The following SORBS2 variants were observed in gnomAD, a reference collection of about 807,000 sequenced individuals.
SORBS2 encodes sorbin and SH3 domain containing 2.
Under a neutral mutation model 97.7 loss-of-function variants are expected in SORBS2, and 46 were observed. The ratio of observed to expected loss-of-function variants is 0.47; its 90% CI spans 0.37 to 0.60. The LOEUF is 0.60. SORBS2 is among the 20% of genes least tolerant of loss of function. SORBS2 has a pLI of 0.00. For missense variants in SORBS2, 1,316 were observed against 1,282.3 expected, an observed-to-expected ratio of 1.03 and a Z score of -0.40; for synonymous variants, 476 against 473.4, an observed-to-expected ratio of 1.01 and a Z score of -0.07.
Position 185,589,671 on chromosome 4 carries a change from G to A in SORBS2, c.2953+8C>T, listed in dbSNP as rs752008170. 3.2e-6 allele frequency: 5 copies of A among 1,544,764 alleles called. No homozygotes were observed. The highest frequency in any genetic ancestry group is 1.4e-5 in the African/African-American group (1 of 73,236). ...AGCCGAAGGTGCCTGAGGAAGAAGC[G>A]CACATACCCACAAACCAGCCGTCAT... On this transcript the variant is annotated splice_region_variant and intron_variant, in intron 14 of 14. Transcript: ENST00000418609.
chr4:185,819,302 G>C (rs145888723), intron 1 of SORBS2, among the ~76,000 whole-genome samples: 2 of 152,140 alleles, frequency 1.3e-5, no homozygotes, highest in African/African-American at 4.8e-5. Context: ...AAGAATCCTC[G>C]TGGTCCAGAA....
intron 2 of SORBS2, chr4:185,773,060 A>C (rs563781801): frequency 2.0e-5 from 3 of 151,578 alleles, no homozygotes; most frequent in East Asian, 1.9e-4. Context: ...GAAAGAAAAA[A>C]AAAACAAAAC....
chr4:185,731,867 T>C (rs1416772995), intron 2 of SORBS2, among the ~76,000 whole-genome samples: 8 of 13,374 alleles, frequency 6.0e-4, no homozygotes, highest in Non-Finnish European at 1.0e-3. Flanking sequence ...TCTCTCTCTC[T>C]ATATATATAT....
chr4:185,639,092 C>G lies in SORBS2; in HGVS notation c.396+7576G>C. 13 of 1,427,166 alleles carry G rather than the reference C, an allele frequency of 9.1e-6. No homozygotes were observed. In the South Asian group the frequency reaches 1.8e-4, roughly 20 times the overall value. 88.4% of individuals were successfully genotyped at this position (1,427,166 alleles called of 1,614,324 possible). On this transcript the variant is annotated intron_variant, in intron 4 of 14. Transcript: ENST00000418609. ...ATTAGATGGAGGCTCTGGGCGGAAC[C>G]GCGAGGACACCCTGGCAGCGCGCTG...
intron 2 of SORBS2, among the ~76,000 whole-genome samples, chr4:185,709,304 C>CCTTTTTTTTTTTTTTTTTTTTTTTTTTTT (rs1554199361): frequency 4.1e-5 from 4 of 96,772 alleles, no homozygotes; most frequent in African/African-American, 8.2e-5. Flanking sequence ...CTGGCCAAAT[C>CCTTTTTTTTTTTTTTTTTTTTTTTTTTTT]TTTTTTTTTT....
intron 1 of SORBS2, among the ~76,000 whole-genome samples, chr4:185,847,533 C>T (rs1042625436): frequency 6.6e-6 from 1 of 152,152 alleles, no homozygotes; most frequent in African/African-American, 2.4e-5. Context: ...TCCAGACATA[C>T]ATCCTCCTCT....
chr4:185,659,742 C>T (rs541971901), upstream of SORBS2, among the ~76,000 whole-genome samples: 25 of 152,042 alleles, frequency 1.6e-4, no homozygotes, highest in Non-Finnish European at 3.2e-4. Context: ...TATTAAGACA[C>T]GGTGAGATAT....
intron 11 of SORBS2, among the ~76,000 whole-genome samples, chr4:185,612,301 T>C (rs1369164486): frequency 6.6e-6 from 1 of 152,116 alleles, no homozygotes; most frequent in Non-Finnish European, 1.5e-5. Context: ...AGCAGAATAG[T>C]GTAAAAGGTA....
intron 1 of SORBS2, among the ~76,000 whole-genome samples, chr4:185,856,227 C>A (rs562428257): frequency 6.6e-6 from 1 of 152,272 alleles, no homozygotes; most frequent in Admixed American, 6.5e-5. Context: ...TCATGGGTTT[C>A]ATGATCAGGC....
intron 1 of SORBS2, among the ~76,000 whole-genome samples, chr4:185,803,567 A>G (rs1341628682): frequency 1.3e-5 from 2 of 152,196 alleles, no homozygotes; most frequent in African/African-American, 2.4e-5. Context: ...CTTTTACAAC[A>G]TAAGGGTGAT....
intron 1 of SORBS2, among the ~76,000 whole-genome samples, chr4:185,836,420 A>G (rs1279940272): frequency 6.6e-6 from 1 of 152,230 alleles, no homozygotes; most frequent in Admixed American, 6.5e-5. Context: ...GACAAAGACA[A>G]TAGTGATTAG....
At chr4:185,587,556 C>G (rs972331787) in exon 15 of SORBS2, 3 of 1,362,886 alleles carry the variant, frequency 2.2e-6, no homozygotes, top group Non-Finnish European at 3.1e-6. Flanking sequence ...GGGAGGCCCG[C>G]GGGGTGTTTC....
At chr4:185,823,764 T>C (rs192071634) in intron 1 of SORBS2, among the ~76,000 whole-genome samples, 72 of 152,272 alleles carry the variant, frequency 4.7e-4, no homozygotes, top group African/African-American at 1.6e-3. Flanking sequence ...ACAGAATAAA[T>C]TGGGCATCAT....
rs145421526 is a variant in SORBS2 at position 185,642,052 on chromosome 4, C to T, written c.396+4616G>A. On this transcript the variant is annotated intron_variant, in intron 4 of 14. Transcript: ENST00000418609. ...CAGGGCTATTTTGTTTTTCAAATTACGCTCATTCCATTTTAAGTTTTAATG... is the reference window on the plus strand; with the variant it reads ...CAGGGCTATTTTGTTTTTCAAATTATGCTCATTCCATTTTAAGTTTTAATG... 1.2e-4 allele frequency among the ~76,000 whole-genome samples: 18 copies of T among 152,248 alleles called. No homozygotes were observed. The East Asian group carries it at 1.5e-3, about 13-fold the overall frequency.
chr4:185,698,248 GGAGGGTCACTT>G (rs1481049315), intron 2 of SORBS2, among the ~76,000 whole-genome samples: 1 of 152,218 alleles, frequency 6.6e-6, no homozygotes, highest in Admixed American at 6.5e-5. Context: ...GGCCGAGGCA[GGAGGGTCACTT>G]GAGGTCAGGA....
chr4:185,899,529 G>A lies in SORBS2; in HGVS notation c.-338+56667C>T, dbSNP rs528124030. 3.9e-5 allele frequency among the ~76,000 whole-genome samples: 6 copies of A among 152,108 alleles called. No individual in the cohort carries two copies. In the South Asian group the frequency reaches 8.3e-4, roughly 21 times the overall value. ...TCCCTGCAGCCTCCTGGGTTTAAGC[G>A]ATCCTCCCCCCTCAGCCTCCCCAGA... On this transcript the variant is annotated intron_variant, in intron 1 of 20. Coordinates refer to the SORBS2 transcript ENST00000284776.
At chr4:185,874,023 C>T (rs148093516) in intron 1 of SORBS2, among the ~76,000 whole-genome samples, 1 of 152,168 alleles carries the variant, frequency 6.6e-6, no homozygotes, top group Non-Finnish European at 1.5e-5. Context: ...CATCCTGTAA[C>T]CCTTTTATCC....
chr4:185,850,578 C>T (rs1422934296), intron 1 of SORBS2, among the ~76,000 whole-genome samples: 8 of 152,184 alleles, frequency 5.3e-5, no homozygotes, highest in Admixed American at 2.6e-4. Flanking sequence ...AAAAACCCAT[C>T]TTCTCTTCTT....
intron 1 of SORBS2, among the ~76,000 whole-genome samples, chr4:185,778,683 G>A (rs1419895278): frequency 6.6e-6 from 1 of 152,174 alleles, no homozygotes; most frequent in Non-Finnish European, 1.5e-5. Context: ...GTGAACAGCT[G>A]ATTCCAGATT....
Sources: allele counts gnomAD v4.1 joint callset (sites outside exome capture counted in the v4.1 genomes callset), GRCh38; gene constraint gnomAD v4.1.1; transcripts MANE v1.5; gene names NCBI Gene and HGNC (gene_info 2026-07-23, HGNC 2026-07-21).